CAMK2D: variants seen among roughly 807,000 people sequenced by gnomAD.
The protein encoded by CAMK2D is calcium/calmodulin-dependent protein kinase type II subunit delta.
In CAMK2D, 37 loss-of-function variants were observed where a neutral mutation model predicts 84.0. The ratio of observed to expected loss-of-function variants is 0.44; its 90% CI spans 0.34 to 0.58. The LOEUF (loss-of-function observed/expected upper bound fraction) is 0.58, where lower values mean the gene tolerates loss of function less well. CAMK2D is among the 20% of genes least tolerant of loss of function. CAMK2D has a pLI of 0.02. For synonymous variants in CAMK2D, 202 were observed against 212.5 expected (o/e 0.95, Z 0.43); for missense variants, 448 against 652.5 (o/e 0.69, Z 3.41).
chr4:113,564,624 A>G (rs112283075), intron 4 of CAMK2D, among the ~76,000 whole-genome samples: 314 of 152,332 alleles, frequency 2.1e-3, no homozygotes, highest in African/African-American at 7.1e-3. Context: ...ACATGAGCCT[A>G]ACACATTGCC....
At chr4:113,489,325 G>A (rs894767118) in intron 16 of CAMK2D, among the ~76,000 whole-genome samples, 2 of 129,404 alleles carry the variant, frequency 1.5e-5, no homozygotes, top group East Asian at 4.6e-4. Flanking sequence ...GAGTGTGATA[G>A]TCCCCTTCCT....
rs968035110 is a variant in CAMK2D, at chr4:113,641,463, G to A, written c.220+20250C>T. Among the ~76,000 whole-genome samples, 8 of 152,142 alleles carry A rather than the reference G, an allele frequency of 5.3e-5. No homozygotes were observed. In the East Asian group the frequency reaches 1.3e-3, roughly 26 times the overall value. The stretch of plus-strand genomic sequence containing the variant: ...ATTAAATAAGATAATTATGTTAAGT[G>A]TTTAGATACAATATGTTTCAGATTG... On this transcript the variant is annotated intron_variant, in intron 3 of 20. Transcript: ENST00000511664.
chr4:113,508,797 C>T (rs2098167301), intron 13 of CAMK2D, among the ~76,000 whole-genome samples: 1 of 152,128 alleles, frequency 6.6e-6, no homozygotes, highest in African/African-American at 2.4e-5. Context: ...ATGAACTGAC[C>T]ACCTGACTTT....
chr4:113,569,623 T>G (rs2098742794), intron 4 of CAMK2D, among the ~76,000 whole-genome samples: 1 of 152,188 alleles, frequency 6.6e-6, no homozygotes, highest in African/African-American at 2.4e-5. Context: ...GTAATTAACT[T>G]CTAAATATCT....
At chr4:113,736,334 T>C (rs1274767045) in intron 2 of CAMK2D, among the ~76,000 whole-genome samples, 1 of 152,146 alleles carries the variant, frequency 6.6e-6, no homozygotes, top group Non-Finnish European at 1.5e-5. Flanking sequence ...AAGAAACATA[T>C]TAAACCCTAT....
chr4:113,755,939 G>T (rs1353791237), intron 2 of CAMK2D, among the ~76,000 whole-genome samples: 1 of 151,934 alleles, frequency 6.6e-6, no homozygotes, highest in Non-Finnish European at 1.5e-5. Flanking sequence ...TTAGAAGATA[G>T]AAATTACATA....
In CAMK2D at chr4:113,735,402, G is replaced by A. The variant is rs142386932; in HGVS notation, c.160+23918C>T. On this transcript the variant is annotated intron_variant, in intron 2 of 20. Coordinates refer to ENST00000511664, the MANE Select transcript of CAMK2D (RefSeq NM_001321571.2). ...AGGTGGGAGGATCGCTTGAGCCCGC[G>A]AGGCAGAGGTTGTGGTGAGCTGAGA... is the stretch of plus-strand genomic sequence containing the variant. 4.7e-4 allele frequency among the ~76,000 whole-genome samples: 71 copies of A among 151,184 alleles called. 2 individuals are homozygous for A. The East Asian group carries it at 0.013, about 27-fold the overall frequency.
intron 4 of CAMK2D, among the ~76,000 whole-genome samples, chr4:113,596,753 C>T (rs190128229): frequency 7.9e-5 from 12 of 151,976 alleles, no homozygotes; most frequent in Non-Finnish European, 1.0e-4. Flanking sequence ...GCTGTCGTCT[C>T]GGCTTTGTTG....
chr4:113,459,813 A>G (rs2097351027), intron 18 of CAMK2D, among the ~76,000 whole-genome samples: 1 of 151,842 alleles, frequency 6.6e-6, no homozygotes, highest in African/African-American at 2.4e-5. Flanking sequence ...TTTAGTAGAG[A>G]TGAGCCTTTA....
chr4:113,510,351 A>G (rs1373637809), intron 12 of CAMK2D, among the ~76,000 whole-genome samples: 1 of 152,246 alleles, frequency 6.6e-6, no homozygotes, highest in African/African-American at 2.4e-5. Context: ...AAGCCTTTAC[A>G]ATGAAAAAGT....
chr4:113,633,128 G>A (rs1485708073), intron 3 of CAMK2D, among the ~76,000 whole-genome samples: 3 of 152,108 alleles, frequency 2.0e-5, no homozygotes, highest in African/African-American at 7.2e-5. Flanking sequence ...ACTAAACGTA[G>A]GCATTAAAAG....
At chr4:113,597,863 T>C (rs1006878402) in intron 4 of CAMK2D, among the ~76,000 whole-genome samples, 1 of 152,196 alleles carries the variant, frequency 6.6e-6, no homozygotes, top group Non-Finnish European at 1.5e-5. Context: ...TATTTATTGG[T>C]TTAATTTCAA....
rs771254699 is a variant in CAMK2D, at chr4:113,452,001, TG to T, written c.*2543del. The T allele has an allele frequency of 6.6e-6, 1 of 152,146 alleles. No individual in the cohort carries two copies. The highest frequency in any genetic ancestry group is 1.5e-5 in the Non-Finnish European group (1 of 68,030). 9.4% of individuals were successfully genotyped at this position (152,146 alleles called of 1,614,324 possible). On this transcript the variant is annotated 3_prime_UTR_variant, in exon 21 of 21. Transcript: ENST00000511664. ...TAAACAGGCATGTGAGCAAGTGTGA[TG>T]TTTTTAGCAAATCAAAAGAAGCTGA...
intron 2 of CAMK2D, among the ~76,000 whole-genome samples, chr4:113,689,616 C>G (rs897942198): frequency 6.6e-6 from 1 of 152,148 alleles, no homozygotes; most frequent in Admixed American, 6.5e-5. Flanking sequence ...CCTTTTTTCT[C>G]TGGCTTAAAT....
chr4:113,697,638 T>C (rs1010564932), intron 2 of CAMK2D, among the ~76,000 whole-genome samples: 4 of 152,062 alleles, frequency 2.6e-5, no homozygotes, highest in Admixed American at 1.3e-4. Flanking sequence ...TCTTGGAAAA[T>C]ATGAGAAGGA....
intron 16 of CAMK2D, among the ~76,000 whole-genome samples, chr4:113,487,509 A>C (rs2097777010): frequency 6.6e-6 from 1 of 152,102 alleles, no homozygotes; most frequent in South Asian, 2.1e-4. Flanking sequence ...GCAAATAATT[A>C]GGATTTAACT....
chr4:113,632,738 G>A (rs1222789991), intron 3 of CAMK2D, among the ~76,000 whole-genome samples: 1 of 152,110 alleles, frequency 6.6e-6, no homozygotes, highest in African/African-American at 2.4e-5. Context: ...GTCAGTAAAT[G>A]TTACCCTGTT....
At chr4:113,626,092 T>C (rs1332455556) in intron 3 of CAMK2D, among the ~76,000 whole-genome samples, 2 of 151,592 alleles carry the variant, frequency 1.3e-5, no homozygotes, top group Non-Finnish European at 2.9e-5. Context: ...TGAGATCAGA[T>C]TCTGAATACA....
At chr4:113,540,205 G>A (rs2098520963) in intron 6 of CAMK2D, among the ~76,000 whole-genome samples, 1 of 151,996 alleles carries the variant, frequency 6.6e-6, no homozygotes, top group African/African-American at 2.4e-5. Flanking sequence ...AAAATATATT[G>A]TACTACAAAA....
Sources: allele counts gnomAD v4.1 joint callset (sites outside exome capture counted in the v4.1 genomes callset), GRCh38; gene constraint gnomAD v4.1.1; transcripts MANE v1.5; gene names NCBI Gene and HGNC (gene_info 2026-07-23, HGNC 2026-07-21).